Variants in RBFOX1 observed in about 807,000 individuals in gnomAD.
The protein encoded by RBFOX1 is RNA binding protein fox-1 homolog 1.
Under a neutral mutation model 57.7 loss-of-function variants are expected in RBFOX1, and 8 were observed. That is an observed-to-expected ratio of 0.14 (90% CI 0.08 to 0.25). RBFOX1 has a LOEUF of 0.25. Among genes scored for constraint, RBFOX1 ranks in the 10% least tolerant of loss-of-function variants. The pLI, the probability that RBFOX1 is intolerant of heterozygous loss-of-function variation, is 1.00. For missense variants in RBFOX1, 611 were observed against 548.5 expected (o/e 1.11, Z -1.14); for synonymous variants, 326 against 222.4 (o/e 1.47, Z -4.15).
At chr16:5,676,223 G>A (rs568121197) in intron 3 of RBFOX1, among the ~76,000 whole-genome samples, 31 of 151,520 alleles carry the variant, frequency 2.0e-4, no homozygotes, top group Middle Eastern at 6.8e-3. Context: ...AAACCTGCAC[G>A]TTCTGGTATT....
chr16:5,401,816 C>T (rs2066725392), intron 1 of RBFOX1, among the ~76,000 whole-genome samples: 1 of 151,820 alleles, frequency 6.6e-6, no homozygotes, highest in Admixed American at 6.6e-5. Context: ...CCTTCTCCTT[C>T]TCGTGCTGCT....
At chr16:5,430,368 G>A (rs1033272336) in intron 1 of RBFOX1, among the ~76,000 whole-genome samples, 3 of 152,176 alleles carry the variant, frequency 2.0e-5, no homozygotes, top group Non-Finnish European at 2.9e-5. Flanking sequence ...CAAAGGCCCT[G>A]TAGTAGAAAG....
intron 3 of RBFOX1, among the ~76,000 whole-genome samples, chr16:6,960,889 T>C (rs1359168680): frequency 6.6e-6 from 1 of 150,996 alleles, no homozygotes; most frequent in East Asian, 2.0e-4. Flanking sequence ...ATCCCAGCAC[T>C]TTGGAAGGCC....
At chr16:7,598,670 A>C (rs2094841296) in intron 9 of RBFOX1, among the ~76,000 whole-genome samples, 1 of 152,168 alleles carries the variant, frequency 6.6e-6, no homozygotes, top group African/African-American at 2.4e-5. Context: ...GTGTTCATTT[A>C]TAGTATTCAT....
At chr16:6,454,964 C>A (rs575815155) in intron 2 of RBFOX1, among the ~76,000 whole-genome samples, 3 of 149,288 alleles carry the variant, frequency 2.0e-5, no homozygotes, top group Non-Finnish European at 4.4e-5. Context: ...CTCACTGCAA[C>A]CTCTGCCTCC....
intron 3 of RBFOX1, among the ~76,000 whole-genome samples, chr16:6,763,470 A>G (rs138169095): frequency 6.6e-6 from 1 of 152,304 alleles, no homozygotes; most frequent in Non-Finnish European, 1.5e-5. Flanking sequence ...ATATTTCACA[A>G]GCGTAATGGC....
intron 4 of RBFOX1, among the ~76,000 whole-genome samples, chr16:7,360,147 G>A (rs1445817613): frequency 6.6e-6 from 1 of 152,266 alleles, no homozygotes; most frequent in East Asian, 1.9e-4. Flanking sequence ...TTTATCTCAT[G>A]TATATACTAT....
intron 2 of RBFOX1, among the ~76,000 whole-genome samples, chr16:5,547,362 A>G (rs1423140910): frequency 1.3e-5 from 2 of 152,178 alleles, no homozygotes; most frequent in African/African-American, 2.4e-5. Flanking sequence ...CCAAATGTCT[A>G]TTATCAGGTG....
chr16:7,357,750 C>T (rs1476938840), intron 4 of RBFOX1, among the ~76,000 whole-genome samples: 1 of 152,126 alleles, frequency 6.6e-6, no homozygotes, highest in Non-Finnish European at 1.5e-5. Context: ...CTTCCTGTGA[C>T]CAAGTGGTGC....
At chr16:5,325,132 C>T (rs542798816) in intron 1 of RBFOX1, among the ~76,000 whole-genome samples, 1 of 152,306 alleles carries the variant, frequency 6.6e-6, no homozygotes, top group South Asian at 2.1e-4. Flanking sequence ...GCTTAAGAAG[C>T]GCTGCTCTAC....
At chr16:6,557,534 C>T (rs964914810) in intron 2 of RBFOX1, among the ~76,000 whole-genome samples, 3 of 151,702 alleles carry the variant, frequency 2.0e-5, no homozygotes, top group Non-Finnish European at 4.4e-5. Context: ...TAAAAGTTGG[C>T]GGCTGTCTGA....
chr16:7,341,921 A>G (rs1454939715), intron 4 of RBFOX1, among the ~76,000 whole-genome samples: 1 of 151,284 alleles, frequency 6.6e-6, no homozygotes, highest in Non-Finnish European at 1.5e-5. Context: ...AGTTCAACAC[A>G]CCCACTGCTG....
intron 1 of RBFOX1, among the ~76,000 whole-genome samples, chr16:5,401,818 C>T (rs928007991): frequency 1.2e-4 from 18 of 151,482 alleles, no homozygotes; most frequent in African/African-American, 3.9e-4. Context: ...TTCTCCTTCT[C>T]GTGCTGCTGC....
chr16:5,788,394 C>T (rs1385001676), intron 3 of RBFOX1, among the ~76,000 whole-genome samples: 3 of 151,990 alleles, frequency 2.0e-5, no homozygotes, highest in Non-Finnish European at 4.4e-5. Flanking sequence ...ATCGGGAGGT[C>T]GAGCTGGGGG....
At chr16:7,639,421 C>T (rs533959003) in intron 11 of RBFOX1, among the ~76,000 whole-genome samples, 1 of 152,126 alleles carries the variant, frequency 6.6e-6, no homozygotes, top group South Asian at 2.1e-4. Context: ...ATAATTCCTT[C>T]TAGTTTTTAG....
intron 1 of RBFOX1, among the ~76,000 whole-genome samples, chr16:5,351,137 T>G (rs1446099432): frequency 6.6e-6 from 1 of 152,174 alleles, no homozygotes; most frequent in African/African-American, 2.4e-5. Context: ...GATACCCTCA[T>G]TTTGCCCATG....
At chr16:7,261,180 T>G (rs1437121225) in intron 4 of RBFOX1, among the ~76,000 whole-genome samples, 1 of 152,214 alleles carries the variant, frequency 6.6e-6, no homozygotes, top group Non-Finnish European at 1.5e-5. Flanking sequence ...CTTGCTTGTT[T>G]TGGCTGTGTG....
At chr16:7,088,368 T>G (rs1474828379) in intron 4 of RBFOX1, among the ~76,000 whole-genome samples, 16 of 152,224 alleles carry the variant, frequency 1.1e-4, no homozygotes, top group African/African-American at 3.6e-4. Context: ...ACTACTTATT[T>G]GTCATTTTGG....
chr16:6,755,232 G>T (rs2075596801), intron 3 of RBFOX1, among the ~76,000 whole-genome samples: 2 of 152,186 alleles, frequency 1.3e-5, no homozygotes, highest in South Asian at 4.1e-4. Context: ...TAATGGGATG[G>T]CTGGGTCAAA....
Sources: allele counts gnomAD v4.1 joint callset (sites outside exome capture counted in the v4.1 genomes callset), GRCh38; gene constraint gnomAD v4.1.1; transcripts MANE v1.5; gene names NCBI Gene and HGNC (gene_info 2026-07-23, HGNC 2026-07-21).